The following CASK variants were observed in gnomAD, a reference collection of about 807,000 sequenced individuals.
CASK encodes the protein peripheral plasma membrane protein CASK.
In CASK, 4 loss-of-function variants were observed where a neutral mutation model predicts 82.9. The ratio of observed to expected loss-of-function variants is 0.05; its 90% confidence interval spans 0.02 to 0.11. The LOEUF is 0.11. Among genes scored for constraint, CASK ranks in the 10% least tolerant of loss-of-function variants. CASK has a pLI of 1.00. For synonymous variants in CASK, 259 were observed against 253.5 expected (o/e 1.02, Z -0.20); for missense variants, 358 against 720.9 (o/e 0.50, Z 5.76).
intron 17 of CASK, among the ~76,000 whole-genome samples, chrX:41,560,074 T>C (rs1429668526): frequency 9.0e-6 from 1 of 111,712 alleles, no homozygotes; most frequent in Non-Finnish European, 1.9e-5. Flanking sequence ...CATACAGCAA[T>C]GGTCTCACAG....
At chrX:41,746,829 G>T (rs2068694854) in intron 3 of CASK, among the ~76,000 whole-genome samples, 1 of 111,318 alleles carries the variant, frequency 9.0e-6, no homozygotes, top group Admixed American at 9.6e-5. Flanking sequence ...ACCCCATGAG[G>T]TCAGCATCAT....
chrX:41,651,001 C>T (rs1363719545), intron 8 of CASK, among the ~76,000 whole-genome samples: 2 of 111,745 alleles, frequency 1.8e-5, no homozygotes, highest in African/African-American at 6.5e-5. Context: ...CTCAAAGAGC[C>T]GTCTTAAACT....
chrX:41,791,051 C>T (rs941406325), intron 2 of CASK, among the ~76,000 whole-genome samples: 9 of 111,296 alleles, frequency 8.1e-5, no homozygotes, highest in Non-Finnish European at 1.5e-4. Flanking sequence ...TGACATGACC[C>T]AGGGTTACCA....
At chrX:41,541,551 G>A (rs1415463139) in intron 22 of CASK, among the ~76,000 whole-genome samples, 2 of 112,413 alleles carry the variant, frequency 1.8e-5, no homozygotes, top group African/African-American at 6.5e-5. Context: ...TGTAACTAAT[G>A]CGAAGGGAAT....
intron 5 of CASK, chrX:41,689,685 C>G (rs1402219508): frequency 9.0e-6 from 1 of 111,396 alleles, no homozygotes; most frequent in East Asian, 2.8e-4. Flanking sequence ...AAACCTAACA[C>G]ACTATTAATA....
At chrX:41,694,757 G>A (rs778533909) in intron 5 of CASK, among the ~76,000 whole-genome samples, 17 of 111,728 alleles carry the variant, frequency 1.5e-4, no homozygotes, top group Non-Finnish European at 2.4e-4. Flanking sequence ...TGCAGGTGCT[G>A]TATTCTCTTA....
chrX:41,605,686 C>T (rs1329074845), intron 12 of CASK, among the ~76,000 whole-genome samples: 1 of 111,421 alleles, frequency 9.0e-6, no homozygotes, highest in African/African-American at 3.3e-5. Context: ...AAATGAAAGG[C>T]CCAATTTTTT....
chrX:41,676,180 C>G (rs2067262015), intron 5 of CASK: 1 of 1,162,724 alleles, frequency 8.6e-7, no homozygotes, highest in Admixed American at 2.2e-5. Context: ...CACTGGGGAT[C>G]AAGAACTTTT....
intron 22 of CASK, 62 bp downstream of exon 22, chrX:41,542,629 A>T: frequency 2.8e-6 from 2 of 711,395 alleles, no homozygotes; most frequent in Non-Finnish European, 4.5e-6. Context: ...TTAAAATATT[A>T]CATCTTTTTA....
At chrX:41,872,447 C>A (rs2071722931) in intron 1 of CASK, among the ~76,000 whole-genome samples, 1 of 111,753 alleles carries the variant, frequency 8.9e-6, no homozygotes, top group African/African-American at 3.3e-5. Context: ...ACCTATGCTC[C>A]TTGTGCTTTT....
At chrX:41,711,019 T>C (rs2147629536) in intron 5 of CASK, among the ~76,000 whole-genome samples, 1 of 111,896 alleles carries the variant, frequency 8.9e-6, no homozygotes, top group East Asian at 2.8e-4. Flanking sequence ...TATATGTAAC[T>C]GGTTCCCTGA....
At chrX:41,592,178 A>G (rs2065755561) in intron 12 of CASK, among the ~76,000 whole-genome samples, 1 of 105,830 alleles carries the variant, frequency 9.4e-6, no homozygotes, top group Non-Finnish European at 1.9e-5. Context: ...CTATGATCGC[A>G]TCACTGCACT....
At chrX:41,715,554 G>A (rs1258497830) in intron 5 of CASK, among the ~76,000 whole-genome samples, 4 of 109,149 alleles carry the variant, frequency 3.7e-5, no homozygotes, top group Non-Finnish European at 7.6e-5. Flanking sequence ...CTCAGGAGGC[G>A]GAGGTTGCAG....
In CASK at chrX:41,552,306, A is replaced by AT. The variant is rs893373908; in HGVS notation, c.2039+1412dup. ...AAACATATTTTCTGCGGCACTTTTC[A>AT]TTTTTTTTCATCAGGAGGATTTATC... On this transcript the variant is annotated intron_variant, in intron 21 of 26. Transcript: ENST00000378163. Among the ~76,000 whole-genome samples the AT allele has an allele frequency of 6.5e-5, 7 of 108,316 alleles. No homozygotes were observed. The South Asian group carries it at 2.0e-3, about 31-fold the overall frequency. The allele number at this position is 108,316 out of a possible 115,157, so 94.1% of individuals were successfully genotyped here. A position where few individuals can be genotyped will look rare whatever the true frequency, so the allele number is the denominator to read the frequency against.
rs1380175729 is a variant in CASK at position 41,553,534 on chromosome X, A to G, written c.2039+185T>C. Among the ~76,000 whole-genome samples, 7 of 111,542 alleles carry G rather than the reference A, an allele frequency of 6.3e-5. No homozygotes were observed. The Admixed American group carries it at 6.7e-4, about 11-fold the overall frequency. ...TGTAAAATGAAGCCCTGACTCTGCA[A>G]CTAGGATCTCACTAGATACTGAAGA... On this transcript the variant is annotated intron_variant, in intron 21 of 26. Transcript: ENST00000378163.
intron 21 of CASK, among the ~76,000 whole-genome samples, chrX:41,546,345 A>G (rs1041158273): frequency 9.0e-6 from 1 of 111,277 alleles, no homozygotes; most frequent in East Asian, 2.8e-4. Context: ...TCTGGGCTCA[A>G]GTGATCCGCC....
intron 2 of CASK, among the ~76,000 whole-genome samples, chrX:41,791,470 C>A (rs924272737): frequency 2.7e-5 from 3 of 110,612 alleles, no homozygotes; most frequent in Non-Finnish European, 3.8e-5. Context: ...CACCTGTAAT[C>A]CCAGCACTTT....
chrX:41,547,369 G>C (rs1467763334), intron 21 of CASK, among the ~76,000 whole-genome samples: 1 of 111,178 alleles, frequency 9.0e-6, no homozygotes, highest in African/African-American at 3.3e-5. Context: ...GTAGAAACTA[G>C]TTTGTCCTTT....
intron 3 of CASK, among the ~76,000 whole-genome samples, chrX:41,755,865 A>AT (rs769166757): frequency 4.5e-5 from 5 of 112,127 alleles, no homozygotes; most frequent in Non-Finnish European, 7.5e-5. Flanking sequence ...GAAAAGTATG[A>AT]TTTTTTTAAG....
Sources: gnomAD v4.1 joint callset for allele counts (sites outside exome capture counted in the v4.1 genomes callset) on GRCh38, gnomAD v4.1.1 for gene constraint, MANE v1.5 for transcripts, NCBI Gene and HGNC (gene_info 2026-07-23, HGNC 2026-07-21) for gene names.